Variants in CAST observed in about 807,000 individuals in gnomAD.
The protein encoded by CAST is MIR583 host.
CAST carries 76 observed loss-of-function variants against 119.6 expected under a neutral mutation model. The observed-to-expected ratio is 0.64, with a 90% CI of 0.53 to 0.77. The LOEUF (loss-of-function observed/expected upper bound fraction) is 0.77. CAST is among the 30% of genes least tolerant of loss of function. CAST has a pLI of 0.00. For missense variants in CAST, 953 were observed against 946.5 expected (o/e 1.01, Z -0.09); for synonymous variants, 319 against 331.6 (o/e 0.96, Z 0.41).
At chr5:96,078,040 G>A in the CAST span, among the ~76,000 whole-genome samples, 2 of 152,166 alleles carry the variant, frequency 1.3e-5, no homozygotes, top group African/African-American at 4.8e-5. Context: ...TTTAGCAGAT[G>A]TAACTATTAA....
chr5:96,309,816 G>T, the CAST span, among the ~76,000 whole-genome samples: 1 of 152,206 alleles, frequency 6.6e-6, no homozygotes, highest in South Asian at 2.1e-4. Flanking sequence ...AGATGAACTG[G>T]GTACCTCAGT....
chr5:96,069,875 G>C, the CAST span, among the ~76,000 whole-genome samples: 1 of 151,954 alleles, frequency 6.6e-6, no homozygotes, highest in Non-Finnish European at 1.5e-5. Context: ...ATGCAAGCCA[G>C]GCATGATGGT....
intron 1 of CAST, among the ~76,000 whole-genome samples, chr5:96,656,727 A>G (rs1748163288): frequency 6.6e-6 from 1 of 152,160 alleles, no homozygotes; most frequent in Admixed American, 6.6e-5. Flanking sequence ...GAGAAGAGGG[A>G]TAGAGCAATG....
intron 24 of CAST, 136 bp downstream of exon 24, chr5:96,757,790 A>G: frequency 1.6e-6 from 1 of 631,834 alleles, no homozygotes; most frequent in Non-Finnish European, 2.8e-6. Flanking sequence ...TTCCAGATTC[A>G]AGCGATTCTC....
At chr5:96,214,975 G>C in the CAST span, 1 of 152,180 alleles carries the variant, frequency 6.6e-6, no homozygotes, top group South Asian at 2.1e-4. Context: ...TTCCTGCCAG[G>C]AAGAAGAGAG....
chr5:96,754,947 A>C (rs1765950521), intron 22 of CAST: 1 of 382,910 alleles, frequency 2.6e-6, no homozygotes, highest in African/African-American at 2.1e-5. Context: ...CCTCAAGTGA[A>C]AGAAATCTAA....
chr5:96,260,825 T>G, the CAST span, among the ~76,000 whole-genome samples: 1 of 152,226 alleles, frequency 6.6e-6, no homozygotes, highest in African/African-American at 2.4e-5. Context: ...CCGTGTTGCT[T>G]AATTTAGCCC....
At chr5:96,616,891 C>T (rs960279720) in intron 1 of CAST, among the ~76,000 whole-genome samples, 1 of 151,972 alleles carries the variant, frequency 6.6e-6, no homozygotes, top group Non-Finnish European at 1.5e-5. Context: ...TTTTGGACCC[C>T]AGGACTCTTT....
At chr5:96,181,019 A>G in the CAST span, among the ~76,000 whole-genome samples, 1 of 152,198 alleles carries the variant, frequency 6.6e-6, no homozygotes, top group African/African-American at 2.4e-5. Flanking sequence ...GCTATTATTG[A>G]GTACTTTTCT....
chr5:96,222,104 C>A, the CAST span, among the ~76,000 whole-genome samples: 2 of 152,026 alleles, frequency 1.3e-5, no homozygotes, highest in African/African-American at 4.8e-5. Flanking sequence ...ATACAAGAAT[C>A]AACCCAAGAT....
chr5:96,067,868 C>T, the CAST span, among the ~76,000 whole-genome samples: 1 of 150,300 alleles, frequency 6.7e-6, no homozygotes, highest in Admixed American at 6.6e-5. Context: ...TTATAGTTTT[C>T]CCTTAAAAAA....
At chr5:96,050,950 TTGG>T in the CAST span, among the ~76,000 whole-genome samples, 36 of 152,304 alleles carry the variant, frequency 2.4e-4, no homozygotes, top group East Asian at 6.7e-3. Context: ...TTTGAGGTCT[TTGG>T]ACAATGGGAA....
chr5:96,479,449 CCTT>C, the CAST span, among the ~76,000 whole-genome samples: 1 of 131,428 alleles, frequency 7.6e-6, no homozygotes, highest in Non-Finnish European at 1.6e-5. Flanking sequence ...GCCAGGCACT[CCTT>C]ATTTTTTTTT....
At chr5:96,607,651 A>G (rs901355102) in intron 1 of CAST, among the ~76,000 whole-genome samples, 1 of 77,006 alleles carries the variant, frequency 1.3e-5, no homozygotes, top group Admixed American at 1.3e-4. Flanking sequence ...TTTCATCATC[A>G]CTTTTCCAGA....
chr5:96,415,237 A>T, the CAST span, among the ~76,000 whole-genome samples: 1 of 152,174 alleles, frequency 6.6e-6, no homozygotes, highest in Non-Finnish European at 1.5e-5. Flanking sequence ...CCAACTGAAG[A>T]CACCAGCAAG....
At chr5:96,679,820 T>C (rs1365238769) in intron 2 of CAST, among the ~76,000 whole-genome samples, 1 of 152,168 alleles carries the variant, frequency 6.6e-6, no homozygotes, top group African/African-American at 2.4e-5. Context: ...TTTTTTCTTT[T>C]AATAAAGTTA....
At chr5:96,586,460 A>G (rs1228057477) in intron 1 of CAST, among the ~76,000 whole-genome samples, 1 of 152,224 alleles carries the variant, frequency 6.6e-6, no homozygotes, top group Non-Finnish European at 1.5e-5. Context: ...TGAATTAAAC[A>G]AGAATAGTTA....
intron 3 of CAST, among the ~76,000 whole-genome samples, chr5:96,722,279 C>T (rs1346422073): frequency 6.6e-6 from 1 of 152,120 alleles, no homozygotes; most frequent in Non-Finnish European, 1.5e-5. Context: ...ATAACATAAA[C>T]AGTAATTATA....
At chr5:96,680,667 A>G (rs1463939069) in intron 2 of CAST, among the ~76,000 whole-genome samples, 1 of 152,118 alleles carries the variant, frequency 6.6e-6, no homozygotes, top group East Asian at 1.9e-4. Context: ...TATATAGAAA[A>G]CCATTATTCA....
Sources: allele counts gnomAD v4.1 joint callset (sites outside exome capture counted in the v4.1 genomes callset), GRCh38; gene constraint gnomAD v4.1.1; transcripts MANE v1.5; gene names NCBI Gene and HGNC (gene_info 2026-07-23, HGNC 2026-07-21).